The following MALRD1 variants were observed in gnomAD, a reference collection of about 807,000 sequenced individuals.
MALRD1 encodes MAM and LDL-receptor class A domain-containing protein 1.
A neutral mutation model predicts 242.1 loss-of-function variants in MALRD1; 247 were observed. That is an observed-to-expected ratio of 1.02 (90% confidence interval 0.92 to 1.13). MALRD1 has a LOEUF of 1.13. Ranked by LOEUF, MALRD1 falls within the 50% of genes most tolerant of loss-of-function variation. The pLI, the probability that MALRD1 is intolerant of heterozygous loss-of-function variation, is 0.00. For missense variants in MALRD1, 2,989 were observed against 2,533.1 expected, an observed-to-expected ratio of 1.18 and a Z score of -3.86; for synonymous variants, 995 against 866.6, an observed-to-expected ratio of 1.15 and a Z score of -2.60.
At chr10:19,531,077 T>C in intron 31 of MALRD1, 117 bp from the exon 32 acceptor site, 1 of 784,686 alleles carries the variant, frequency 1.3e-6, no homozygotes, top group Non-Finnish European at 1.9e-6. Flanking sequence ...CAAAATGAGT[T>C]CTGTTTGATT....
chr10:19,107,946 A>G (rs1836527416), intron 5 of MALRD1, among the ~76,000 whole-genome samples: 1 of 152,162 alleles, frequency 6.6e-6, no homozygotes, highest in Non-Finnish European at 1.5e-5. Flanking sequence ...GACTTTTGGT[A>G]ATATGATTAT....
At chr10:19,522,900 G>A (rs1833944155) in intron 31 of MALRD1, among the ~76,000 whole-genome samples, 1 of 152,052 alleles carries the variant, frequency 6.6e-6, no homozygotes, top group Non-Finnish European at 1.5e-5. Flanking sequence ...GTCTTACCTT[G>A]CACATCATTC....
chr10:19,451,909 A>T lies in MALRD1; in HGVS notation c.5029+1419A>T, dbSNP rs566811989. On this transcript the variant is annotated intron_variant, in intron 29 of 39. Transcript: ENST00000454679. ...AAGGAGCATGTAGCTCCAGGTATCT[A>T]TGTCATGCAGGAGACAGGATTTGGG... Among the ~76,000 whole-genome samples, 7 of 152,304 alleles carry T rather than the reference A, an allele frequency of 4.6e-5. 1 individual carries two copies. The South Asian group carries it at 1.0e-3, about 23-fold the overall frequency.
chr10:19,070,331 A>G (rs1835105042), intron 2 of MALRD1, among the ~76,000 whole-genome samples: 1 of 152,148 alleles, frequency 6.6e-6, no homozygotes, highest in African/African-American at 2.4e-5. Context: ...AAATCATCTA[A>G]CACAAAGCCT....
chr10:19,219,911 G>T (rs1250408875), intron 18 of MALRD1, among the ~76,000 whole-genome samples: 2 of 152,130 alleles, frequency 1.3e-5, no homozygotes, highest in Non-Finnish European at 2.9e-5. Context: ...GCAGAAGAAT[G>T]TAATTACATC....
intron 26 of MALRD1, among the ~76,000 whole-genome samples, chr10:19,377,181 A>G (rs1211098653): frequency 6.6e-6 from 1 of 152,112 alleles, no homozygotes; most frequent in Non-Finnish European, 1.5e-5. Context: ...TTGCTAGATA[A>G]TTTGTTGGTT....
chr10:19,504,268 A>G (rs941677997), intron 31 of MALRD1, among the ~76,000 whole-genome samples: 43 of 152,300 alleles, frequency 2.8e-4, no homozygotes, highest in African/African-American at 1.0e-3. Context: ...ACCCTGGCGT[A>G]TGGATCCGAA....
rs1213384109 is a variant in MALRD1, at chr10:19,066,728, A to G, written c.209A>G (p.Tyr70Cys). The change falls in exon 2 of 40, where the codon TAT (tyrosine) becomes TGT (cysteine). Residue 70 changes from tyrosine to cysteine, a missense_variant. Tyr to Cys is a radical substitution (Grantham distance 194). Transcript: ENST00000454679. Reference sequence around the variant, plus strand: ...TCTTCTTTCTCATTAGGTTTGAATTATGAAAGATGTGATTTTGAGGATGGT... The same window carrying G: ...TCTTCTTTCTCATTAGGTTTGAATTGTGAAAGATGTGATTTTGAGGATGGT... ...DSSDERHCLN[Y>C]ERCDFEDGLC... is the part of the protein sequence containing the mutation. The G allele has an allele frequency of 4.9e-6, 6 of 1,233,618 alleles. No homozygotes were observed. The Admixed American group carries it at 1.3e-4, about 26-fold the overall frequency. The allele number at this position is 1,233,618 out of a possible 1,614,324, so 76.4% of individuals were successfully genotyped here.
At chr10:19,563,269 T>G (rs1836086858) in intron 32 of MALRD1, among the ~76,000 whole-genome samples, 1 of 152,228 alleles carries the variant, frequency 6.6e-6, no homozygotes, top group Non-Finnish European at 1.5e-5. Flanking sequence ...ATTGTTGTTA[T>G]GTCCATCCTG....
chr10:19,428,019 ACTTTGC>A (rs1464568073), intron 28 of MALRD1, among the ~76,000 whole-genome samples: 9 of 152,098 alleles, frequency 5.9e-5, no homozygotes, highest in Non-Finnish European at 1.3e-4. Flanking sequence ...AGCTGTAAAT[ACTTTGC>A]CTTTCTTACC....
intron 36 of MALRD1, among the ~76,000 whole-genome samples, chr10:19,683,187 A>T (rs1842446994): frequency 6.6e-6 from 1 of 152,190 alleles, no homozygotes; most frequent in South Asian, 2.1e-4. Flanking sequence ...AGCCATGAAA[A>T]CAGAAACTAT....
intron 28 of MALRD1, among the ~76,000 whole-genome samples, chr10:19,442,895 T>C (rs1834749034): frequency 1.3e-5 from 2 of 152,210 alleles, no homozygotes; most frequent in African/African-American, 4.8e-5. Context: ...GAAGGAATGA[T>C]ACCAGCTCCT....
intron 21 of MALRD1, among the ~76,000 whole-genome samples, chr10:19,303,025 C>T (rs1035414938): frequency 6.6e-6 from 1 of 151,452 alleles, no homozygotes; most frequent in African/African-American, 2.4e-5. Context: ...TAAAATTGAA[C>T]CCTAAAGTAA....
intron 29 of MALRD1, among the ~76,000 whole-genome samples, chr10:19,483,758 A>C (rs1387793634): frequency 2.6e-5 from 4 of 152,184 alleles, no homozygotes; most frequent in African/African-American, 9.7e-5. Context: ...TCAACTCAGC[A>C]ATCCCATTAC....
At chr10:19,563,931 C>A (rs1836133820) in intron 32 of MALRD1, among the ~76,000 whole-genome samples, 1 of 152,132 alleles carries the variant, frequency 6.6e-6, no homozygotes, top group African/African-American at 2.4e-5. Context: ...GTGTGGCACA[C>A]CGCCCGCCTC....
intron 26 of MALRD1, among the ~76,000 whole-genome samples, chr10:19,371,856 G>A (rs1845396306): frequency 6.6e-6 from 1 of 152,068 alleles, no homozygotes; most frequent in African/African-American, 2.4e-5. Flanking sequence ...TAATTGCTTT[G>A]TTTACTACCT....
At chr10:19,656,925 G>C (rs1433274132) in intron 36 of MALRD1, among the ~76,000 whole-genome samples, 1 of 152,034 alleles carries the variant, frequency 6.6e-6, no homozygotes, top group Non-Finnish European at 1.5e-5. Flanking sequence ...CTATCGATCT[G>C]GTTTGTTTTT....
At chr10:19,143,103 G>A (rs542752830) in intron 10 of MALRD1, among the ~76,000 whole-genome samples, 1 of 152,316 alleles carries the variant, frequency 6.6e-6, no homozygotes, top group African/African-American at 2.4e-5. Flanking sequence ...ATTTTTCAAA[G>A]GATGGTGGTG....
At chr10:19,469,272 A>T (rs1836376584) in intron 29 of MALRD1, among the ~76,000 whole-genome samples, 1 of 152,092 alleles carries the variant, frequency 6.6e-6, no homozygotes, top group Non-Finnish European at 1.5e-5. Context: ...TCTTTGGGAA[A>T]TTTTTTATGT....
Sources: gnomAD v4.1 joint callset for allele counts (sites outside exome capture counted in the v4.1 genomes callset) on GRCh38, gnomAD v4.1.1 for gene constraint, MANE v1.5 for transcripts, NCBI Gene and HGNC (gene_info 2026-07-23, HGNC 2026-07-21) for gene names.